Variants in SAMD5 observed in about 807,000 individuals in gnomAD.
SAMD5 encodes the protein sterile alpha motif domain containing 5.
SAMD5 carries 13 observed loss-of-function variants against 11.3 expected under a neutral mutation model. That is an observed-to-expected ratio of 1.15 (90% CI 0.75 to 1.83). The LOEUF is 1.83. Among genes scored for constraint, SAMD5 ranks in the 40% most tolerant of loss-of-function variants. The pLI, the probability that SAMD5 is intolerant of heterozygous loss-of-function variation, is 0.00. For synonymous variants in SAMD5, 129 were observed against 111.3 expected (o/e 1.16, Z -1.00); for missense variants, 255 against 239.1 (o/e 1.07, Z -0.44).
chr6:147,573,737 A>G (rs564322119), downstream of SAMD5, among the ~76,000 whole-genome samples: 3 of 152,218 alleles, frequency 2.0e-5, no homozygotes, highest in Non-Finnish European at 2.9e-5. Context: ...TCCTTACTAC[A>G]TATCAGCTGG....
chr6:147,702,661 A>G (rs1791270173), intron 1 of SAMD5, among the ~76,000 whole-genome samples: 1 of 152,218 alleles, frequency 6.6e-6, no homozygotes, highest in Non-Finnish European at 1.5e-5. Flanking sequence ...TTACTATTTA[A>G]TATCACAAGT....
At chr6:147,700,854 A>G (rs568752216) in intron 1 of SAMD5, among the ~76,000 whole-genome samples, 1 of 152,220 alleles carries the variant, frequency 6.6e-6, no homozygotes, top group African/African-American at 2.4e-5. Context: ...TAGAAAATTC[A>G]CTAGGAGAAT....
At chr6:147,555,003 A>G (rs921814247) in intron 1 of SAMD5, among the ~76,000 whole-genome samples, 12 of 152,190 alleles carry the variant, frequency 7.9e-5, no homozygotes, top group Non-Finnish European at 1.3e-4. Context: ...AACAGTGGAT[A>G]AAAATGTTAA....
intron 1 of SAMD5, among the ~76,000 whole-genome samples, chr6:147,688,224 TTA>T (rs1271445841): frequency 1.3e-5 from 2 of 152,288 alleles, no homozygotes; most frequent in Non-Finnish European, 2.9e-5. Flanking sequence ...TTTTAAAATT[TTA>T]TATATGATAT....
chr6:147,822,838 A>T, the SAMD5 span, among the ~76,000 whole-genome samples: 1 of 152,152 alleles, frequency 6.6e-6, no homozygotes, highest in Admixed American at 6.5e-5. Context: ...TTTTTGAGAC[A>T]GAGTCTCACT....
chr6:147,878,612 GATAT>G, the SAMD5 span, among the ~76,000 whole-genome samples: 1 of 142,080 alleles, frequency 7.0e-6, no homozygotes, highest in African/African-American at 2.6e-5. Flanking sequence ...TATCTATATA[GATAT>G]ATATGTATAT....
the SAMD5 span, among the ~76,000 whole-genome samples, chr6:147,865,402 A>G: frequency 4.6e-5 from 7 of 151,452 alleles, no homozygotes; most frequent in African/African-American, 1.7e-4. Flanking sequence ...AGAAAAGGGG[A>G]AAAAAAGGAA....
chr6:147,561,900 G>A (rs1183516670), intron 1 of SAMD5, among the ~76,000 whole-genome samples: 5 of 152,174 alleles, frequency 3.3e-5, no homozygotes, highest in Admixed American at 6.5e-5. Flanking sequence ...AGCAACATAT[G>A]CTCCACTAAT....
At chr6:147,746,978 C>T in the SAMD5 span, among the ~76,000 whole-genome samples, 66 of 152,262 alleles carry the variant, frequency 4.3e-4, no homozygotes, top group East Asian at 8.5e-3. Context: ...TCAATCTACC[C>T]GTGAGGACCA....
intron 1 of SAMD5, among the ~76,000 whole-genome samples, chr6:147,576,909 C>T (rs529925406): frequency 1.5e-4 from 23 of 152,274 alleles, no homozygotes; most frequent in African/African-American, 5.5e-4. Flanking sequence ...TTAAATTGCC[C>T]TTTGAAATAG....
At chr6:147,758,553 A>G in the SAMD5 span, among the ~76,000 whole-genome samples, 15 of 152,304 alleles carry the variant, frequency 9.8e-5, no homozygotes, top group East Asian at 2.9e-3. Context: ...TGGATTGTTC[A>G]TTTTGCAGTA....
At chr6:147,530,176 AT>A (rs1788406830) in intron 1 of SAMD5, among the ~76,000 whole-genome samples, 2 of 152,178 alleles carry the variant, frequency 1.3e-5, no homozygotes, top group African/African-American at 4.8e-5. Flanking sequence ...GACAATATTT[AT>A]TTTTTGTGTT....
At chr6:147,679,493 G>C (rs562485504) in intron 1 of SAMD5, among the ~76,000 whole-genome samples, 1 of 152,008 alleles carries the variant, frequency 6.6e-6, no homozygotes, top group South Asian at 2.1e-4. Context: ...TTTAACTTGG[G>C]TTTGTTTTCA....
chr6:147,717,800 G>A (rs1327311268), intron 1 of SAMD5, among the ~76,000 whole-genome samples: 3 of 152,014 alleles, frequency 2.0e-5, no homozygotes, highest in Non-Finnish European at 2.9e-5. Flanking sequence ...GCAGTGAGCC[G>A]AGATTGCACC....
intron 1 of SAMD5, among the ~76,000 whole-genome samples, chr6:147,623,989 C>T (rs377586594): frequency 2.0e-5 from 3 of 152,160 alleles, no homozygotes; most frequent in East Asian, 1.9e-4. Context: ...CCTGCCTCAG[C>T]CTCCCAAGTA....
At chr6:147,833,172 A>C in the SAMD5 span, among the ~76,000 whole-genome samples, 1 of 152,218 alleles carries the variant, frequency 6.6e-6, no homozygotes, top group Non-Finnish European at 1.5e-5. Flanking sequence ...TTGGCCATTC[A>C]GTGAGGCTGT....
At chr6:147,934,651 A>T in the SAMD5 span, among the ~76,000 whole-genome samples, 4 of 152,028 alleles carry the variant, frequency 2.6e-5, no homozygotes, top group Admixed American at 2.6e-4. Context: ...GGAAAGTGAG[A>T]GAGGATTGAG....
chr6:147,905,064 T>A, the SAMD5 span, among the ~76,000 whole-genome samples: 1 of 152,100 alleles, frequency 6.6e-6, no homozygotes, highest in Non-Finnish European at 1.5e-5. Flanking sequence ...AATTTTTTAT[T>A]TTTAGTCGAG....
At chr6:147,868,507 C>G in the SAMD5 span, among the ~76,000 whole-genome samples, 1 of 151,356 alleles carries the variant, frequency 6.6e-6, no homozygotes, top group African/African-American at 2.4e-5. Context: ...CTTTTAAATG[C>G]ATTAAATTGG....
Sources: gnomAD v4.1 joint callset for allele counts (sites outside exome capture counted in the v4.1 genomes callset) on GRCh38, gnomAD v4.1.1 for gene constraint, MANE v1.5 for transcripts, NCBI Gene and HGNC (gene_info 2026-07-23, HGNC 2026-07-21) for gene names.